ACOT1: variants seen among roughly 807,000 people sequenced by gnomAD.
ACOT1 encodes acyl-CoA thioesterase 1.
ACOT1 carries 8 observed loss-of-function variants against 15.7 expected under a neutral mutation model. The ratio of observed to expected loss-of-function variants is 0.51; its 90% CI spans 0.30 to 0.92. ACOT1 has a LOEUF of 0.92. Ranked by LOEUF, ACOT1 falls within the 40% of genes least tolerant of loss-of-function variation. The pLI is 0.06. For missense variants in ACOT1, 151 were observed against 539.4 expected (o/e 0.28, Z 7.13); for synonymous variants, 67 against 241.2 (o/e 0.28, Z 6.69).
chr14:73,537,910 C>G (rs1483307446), intron 1 of ACOT1, 32 bp downstream of exon 1: 1 of 1,161,212 alleles, frequency 8.6e-7, no homozygotes, highest in Non-Finnish European at 1.1e-6. Flanking sequence ...TTCCCCTCTG[C>G]CCATCCCTGT....
the ACOT1 span, chr14:73,508,118 G>A: frequency 1.1e-4 from 181 of 1,611,598 alleles, no homozygotes; most frequent in African/African-American, 1.5e-3. Context: ...TGTCTGACCC[G>A]GTAATGGACA....
the ACOT1 span, chr14:73,508,372 A>G: frequency 7.7e-7 from 1 of 1,296,570 alleles, no homozygotes; most frequent in South Asian, 1.3e-5. Context: ...ATTGATACCC[A>G]AGGCTGCTAC....
chr14:73,514,058 T>G, the ACOT1 span: 2 of 1,614,160 alleles, frequency 1.2e-6, no homozygotes, highest in Non-Finnish European at 1.7e-6. Context: ...TTCCATTCCT[T>G]CAGCATCCTC....
At chr14:73,512,120 T>A in the ACOT1 span, 8 of 1,614,148 alleles carry the variant, frequency 5.0e-6, no homozygotes, top group Middle Eastern at 3.3e-4. Flanking sequence ...TGAAGCAGGT[T>A]CTCTACTGTC....
the ACOT1 span, chr14:73,498,119 T>C: frequency 6.4e-7 from 1 of 1,565,776 alleles, no homozygotes; most frequent in African/African-American, 1.4e-5. Flanking sequence ...GTTGGCAGTA[T>C]AAGGTCATGG....
chr14:73,491,813 C>T, the ACOT1 span: 25 of 1,602,130 alleles, frequency 1.6e-5, no homozygotes, highest in Non-Finnish European at 2.0e-5. Context: ...GGACGCCGCT[C>T]GCTACATCAA....
the ACOT1 span, chr14:73,493,312 G>A: frequency 3.5e-6 from 2 of 568,398 alleles, no homozygotes; most frequent in Admixed American, 3.4e-5. Flanking sequence ...TCTTTTTCAT[G>A]GGCGGGTCGG....
At chr14:73,526,682 C>T in the ACOT1 span, among the ~76,000 whole-genome samples, 1 of 152,184 alleles carries the variant, frequency 6.6e-6, no homozygotes, top group Admixed American at 6.5e-5. Flanking sequence ...TCCAGACCTA[C>T]CCTGCGCCAG....
chr14:73,491,005 G>T, the ACOT1 span: 3 of 1,411,140 alleles, frequency 2.1e-6, no homozygotes, highest in Non-Finnish European at 1.9e-6. Flanking sequence ...GGGAAGACTG[G>T]TGTGGTCTGG....
At chr14:73,510,305 C>A in the ACOT1 span, among the ~76,000 whole-genome samples, 1 of 151,998 alleles carries the variant, frequency 6.6e-6, no homozygotes, top group Non-Finnish European at 1.5e-5. Flanking sequence ...TTTTTTGGTT[C>A]AACTAAACAG....
the ACOT1 span, chr14:73,520,981 T>G: frequency 1.2e-6 from 2 of 1,613,792 alleles, no homozygotes; most frequent in Non-Finnish European, 1.7e-6. Context: ...ATATCCTCAG[T>G]GCTCTTGTTG....
chr14:73,495,367 C>T, the ACOT1 span: 2 of 1,613,656 alleles, frequency 1.2e-6, no homozygotes, highest in East Asian at 4.5e-5. Context: ...TCAGCAAGTC[C>T]TTTTGGCTTA....
the ACOT1 span, among the ~76,000 whole-genome samples, chr14:73,524,518 T>C: frequency 1.3e-5 from 2 of 150,978 alleles, no homozygotes. Flanking sequence ...CTAATAATGA[T>C]AGTTTTGGAA....
chr14:73,494,219 A>T, the ACOT1 span, among the ~76,000 whole-genome samples: 2 of 152,228 alleles, frequency 1.3e-5, no homozygotes, highest in African/African-American at 4.8e-5. Flanking sequence ...TGCCTGATGT[A>T]CCAGAAAGAG....
the ACOT1 span, chr14:73,491,849 C>A: frequency 6.2e-6 from 10 of 1,609,614 alleles, no homozygotes; most frequent in African/African-American, 1.2e-4. Flanking sequence ...CCTGAACCCA[C>A]CCGGCCGCGC....
chr14:73,512,706 G>C, the ACOT1 span, among the ~76,000 whole-genome samples: 1 of 152,020 alleles, frequency 6.6e-6, no homozygotes, highest in Non-Finnish European at 1.5e-5. Context: ...TGTCTTTGAG[G>C]GCACTTCCAT....
chr14:73,491,249 G>A, the ACOT1 span: 1 of 1,583,510 alleles, frequency 6.3e-7, no homozygotes, highest in South Asian at 1.1e-5. Flanking sequence ...CCTGGGGGAC[G>A]CGCTACCCGG....
chr14:73,514,202 T>A, the ACOT1 span: 2 of 1,614,058 alleles, frequency 1.2e-6, no homozygotes, highest in Non-Finnish European at 1.7e-6. Context: ...GGCAAAGCAG[T>A]CCAGCGCAGG....
At chr14:73,502,988 A>G in the ACOT1 span, 1 of 1,613,838 alleles carries the variant, frequency 6.2e-7, no homozygotes, top group East Asian at 2.2e-5. Context: ...ATTCCACATC[A>G]GCTGGATCAA....
Sources: allele counts gnomAD v4.1 joint callset (sites outside exome capture counted in the v4.1 genomes callset), GRCh38; gene constraint gnomAD v4.1.1; transcripts MANE v1.5; gene names NCBI Gene and HGNC (gene_info 2026-07-23, HGNC 2026-07-21).